The following BTBD9 variants were observed in gnomAD, a reference collection of about 807,000 sequenced individuals.
BTBD9 encodes BTB domain containing 9.
In BTBD9, 49 loss-of-function variants were observed where a neutral mutation model predicts 64.3. The observed-to-expected ratio is 0.76, with a 90% CI of 0.61 to 0.97. The LOEUF is 0.97. Ranked by LOEUF, BTBD9 falls within the 50% of genes least tolerant of loss-of-function variation. The pLI is 0.00. For synonymous variants in BTBD9, 260 were observed against 274.7 expected, an observed-to-expected ratio of 0.95 and a Z score of 0.53; for missense variants, 598 against 762.1, an observed-to-expected ratio of 0.78 and a Z score of 2.53.
chr6:38,423,597 C>T (rs2127280980), intron 6 of BTBD9, among the ~76,000 whole-genome samples: 1 of 152,250 alleles, frequency 6.6e-6, no homozygotes, highest in South Asian at 2.1e-4. Context: ...AGCAACTGTA[C>T]CTGACCAGCT....
At chr6:38,457,981 G>A (rs1769896431) in intron 6 of BTBD9, among the ~76,000 whole-genome samples, 2 of 152,270 alleles carry the variant, frequency 1.3e-5, no homozygotes, top group South Asian at 4.1e-4. Context: ...ATATCATCAT[G>A]TATGTGGCGT....
intron 8 of BTBD9, among the ~76,000 whole-genome samples, chr6:38,260,390 C>G (rs1764749162): frequency 2.6e-5 from 4 of 152,084 alleles, no homozygotes; most frequent in Admixed American, 2.6e-4. Context: ...TATCATATTC[C>G]CTATCCTTCT....
At chr6:38,430,762 G>A (rs1371521445) in intron 6 of BTBD9, among the ~76,000 whole-genome samples, 1 of 151,828 alleles carries the variant, frequency 6.6e-6, no homozygotes, top group Non-Finnish European at 1.5e-5. Context: ...TGATCCTCCA[G>A]CCTCAGTCTT....
At chr6:38,273,638 G>C (rs941789457) in intron 8 of BTBD9, among the ~76,000 whole-genome samples, 4 of 152,162 alleles carry the variant, frequency 2.6e-5, no homozygotes, top group Non-Finnish European at 4.4e-5. Context: ...GACCATACCA[G>C]AGAATCAGAG....
At chr6:38,490,055 C>T (rs1425676970) in intron 6 of BTBD9, among the ~76,000 whole-genome samples, 1 of 152,130 alleles carries the variant, frequency 6.6e-6, no homozygotes, top group East Asian at 1.9e-4. Context: ...GGCTAATGAC[C>T]TATTAGTTTC....
chr6:38,200,749 T>C (rs1473463433), intron 9 of BTBD9, among the ~76,000 whole-genome samples: 1 of 151,976 alleles, frequency 6.6e-6, no homozygotes, highest in Non-Finnish European at 1.5e-5. Context: ...CAATAATGAG[T>C]AGTGAAATGG....
intron 4 of BTBD9, 135 bp downstream of exon 4, chr6:38,592,441 C>A: frequency 1.1e-6 from 1 of 952,014 alleles, no homozygotes; most frequent in Non-Finnish European, 1.5e-6. Flanking sequence ...AAAGACATTC[C>A]ATAGGCTAGC....
chr6:38,543,117 T>C (rs1207551292), intron 6 of BTBD9, among the ~76,000 whole-genome samples: 1 of 152,230 alleles, frequency 6.6e-6, no homozygotes, highest in Admixed American at 6.5e-5. Flanking sequence ...CCTTCTTTCT[T>C]GTCCTTGTTA....
chr6:38,275,598 A>G (rs1317594631), intron 8 of BTBD9, among the ~76,000 whole-genome samples: 1 of 151,256 alleles, frequency 6.6e-6, no homozygotes, highest in Non-Finnish European at 1.5e-5. Flanking sequence ...CAACCTACTC[A>G]TCTGACAAAG....
chr6:38,596,035 C>G, intron 2 of BTBD9: 8 of 985,456 alleles, frequency 8.1e-6, no homozygotes, highest in Non-Finnish European at 9.6e-6. Flanking sequence ...TCAATGTTTA[C>G]TATGAAGTTT....
chr6:38,347,095 A>C (rs1764312561), intron 6 of BTBD9, among the ~76,000 whole-genome samples: 1 of 152,138 alleles, frequency 6.6e-6, no homozygotes, highest in Middle Eastern at 3.2e-3. Flanking sequence ...TTAAAACACT[A>C]TATGGAATCA....
intron 6 of BTBD9, among the ~76,000 whole-genome samples, chr6:38,508,238 C>G (rs1772626676): frequency 6.6e-6 from 1 of 152,112 alleles, no homozygotes; most frequent in African/African-American, 2.4e-5. Context: ...ACTACCAACT[C>G]AATATATTTA....
chr6:38,475,512 G>A (rs549618345), intron 6 of BTBD9, among the ~76,000 whole-genome samples: 51 of 152,222 alleles, frequency 3.4e-4, no homozygotes, highest in African/African-American at 1.2e-3. Context: ...CATTTACTAC[G>A]CAAAGCACTA....
intron 6 of BTBD9, among the ~76,000 whole-genome samples, chr6:38,474,016 C>G (rs532130218): frequency 6.8e-4 from 103 of 152,236 alleles, no homozygotes; most frequent in Admixed American, 1.6e-3. Context: ...GCCAATAAGG[C>G]TGGAGTATTT....
At chr6:38,201,306 C>A (rs915971739) in intron 9 of BTBD9, among the ~76,000 whole-genome samples, 1 of 152,092 alleles carries the variant, frequency 6.6e-6, no homozygotes, top group Non-Finnish European at 1.5e-5. Flanking sequence ...AATCAATAAA[C>A]GTGATACATT....
At chr6:38,565,284 T>A (rs201464011) in intron 6 of BTBD9, among the ~76,000 whole-genome samples, 1 of 152,234 alleles carries the variant, frequency 6.6e-6, no homozygotes, top group Non-Finnish European at 1.5e-5. Context: ...TGGATAATTC[T>A]TTGTTGTAGG....
intron 6 of BTBD9, among the ~76,000 whole-genome samples, chr6:38,554,961 TGTGA>T (rs570633040): frequency 3.8e-4 from 58 of 152,306 alleles, no homozygotes; most frequent in African/African-American, 1.4e-3. Context: ...CATCTTAGAG[TGTGA>T]GTAACATCAA....
intron 6 of BTBD9, among the ~76,000 whole-genome samples, chr6:38,397,966 A>G (rs545040150): frequency 6.9e-4 from 105 of 152,336 alleles, no homozygotes; most frequent in African/African-American, 2.5e-3. Flanking sequence ...ATTGGAATAT[A>G]TAATAGAGTA....
rs1356610889 is a variant in BTBD9, at chr6:38,191,502, TC to T, written c.1641+1016del. ...TATTATTTGCTACTTAATGTTGTGC[TC>T]CCTCGGGCACAGGGACACCCCACTG... On this transcript the variant is annotated intron_variant, in intron 10 of 10. Coordinates refer to ENST00000481247, the MANE Select transcript of BTBD9 (RefSeq NM_001099272.2). Among the ~76,000 whole-genome samples the T allele has an allele frequency of 3.3e-5, 5 of 152,234 alleles. No homozygotes were observed. In the East Asian group the frequency reaches 9.6e-4, roughly 29 times the overall value.
Sources: gnomAD v4.1 joint callset for allele counts (sites outside exome capture counted in the v4.1 genomes callset) on GRCh38, gnomAD v4.1.1 for gene constraint, MANE v1.5 for transcripts, NCBI Gene and HGNC (gene_info 2026-07-23, HGNC 2026-07-21) for gene names.